The following PDE3B variants were observed in gnomAD, a reference collection of about 807,000 sequenced individuals.
The protein encoded by PDE3B is cGMP-inhibited 3',5'-cyclic phosphodiesterase 3B.
Under a neutral mutation model 116.8 loss-of-function variants are expected in PDE3B, and 66 were observed. The observed-to-expected ratio is 0.56, with a 90% CI of 0.46 to 0.69. PDE3B has a LOEUF of 0.69. PDE3B is among the 30% of genes least tolerant of loss of function. PDE3B has a pLI of 0.00. For synonymous variants in PDE3B, 595 were observed against 533.6 expected (o/e 1.12, Z -1.59); for missense variants, 1,384 against 1,368.1 (o/e 1.01, Z -0.18).
At chr11:14,715,683 T>A (rs1032808802) in intron 1 of PDE3B, among the ~76,000 whole-genome samples, 4 of 152,220 alleles carry the variant, frequency 2.6e-5, no homozygotes, top group Non-Finnish European at 5.9e-5. Context: ...TTTCTAAATA[T>A]ACAATCATGT....
At chr11:14,881,667 T>G in the PDE3B span, among the ~76,000 whole-genome samples, 1 of 152,012 alleles carries the variant, frequency 6.6e-6, no homozygotes, top group Non-Finnish European at 1.5e-5. Flanking sequence ...TAATGTGAGA[T>G]CTGGTTGTTT....
chr11:14,880,598 T>C, the PDE3B span: 1 of 1,612,936 alleles, frequency 6.2e-7, no homozygotes, highest in African/African-American at 1.3e-5. Flanking sequence ...ATTAACTGTT[T>C]AAAGTCAAAA....
intron 1 of PDE3B, among the ~76,000 whole-genome samples, chr11:14,769,698 A>G (rs1052153240): frequency 1.3e-5 from 2 of 148,190 alleles, no homozygotes. Context: ...TTCCATAATC[A>G]TCTCCCCCTT....
At chr11:14,888,697 T>G in the PDE3B span, among the ~76,000 whole-genome samples, 485 of 152,310 alleles carry the variant, frequency 3.2e-3, 1 homozygote, top group Middle Eastern at 0.014. Context: ...CATGCTAAAT[T>G]ACAAACTCCT....
chr11:14,784,974 T>C (rs1858145924), intron 2 of PDE3B, among the ~76,000 whole-genome samples: 2 of 152,102 alleles, frequency 1.3e-5, no homozygotes, highest in South Asian at 4.1e-4. Context: ...ATGTAAATAT[T>C]ATAAGGAACA....
intron 1 of PDE3B, among the ~76,000 whole-genome samples, chr11:14,701,510 G>C (rs1448650067): frequency 6.6e-6 from 1 of 151,562 alleles, no homozygotes; most frequent in Non-Finnish European, 1.5e-5. Flanking sequence ...TTCTATTTCT[G>C]TTCCACTCTA....
chr11:14,695,198 T>C (rs566527451), intron 1 of PDE3B, among the ~76,000 whole-genome samples: 37 of 152,350 alleles, frequency 2.4e-4, no homozygotes, highest in African/African-American at 8.4e-4. Context: ...TATTTATTTA[T>C]GGTTTGTTAT....
At chr11:14,766,918 A>G (rs1809792783) in intron 1 of PDE3B, among the ~76,000 whole-genome samples, 1 of 151,764 alleles carries the variant, frequency 6.6e-6, no homozygotes. Flanking sequence ...TGTATTACAC[A>G]TATACCAAGA....
chr11:14,718,159 C>T (rs1464777229), intron 1 of PDE3B, among the ~76,000 whole-genome samples: 1 of 116,502 alleles, frequency 8.6e-6, no homozygotes. Context: ...CAACAAAGAT[C>T]AAAAGAGACA....
At chr11:14,743,659 T>A (rs981451693) in intron 1 of PDE3B, among the ~76,000 whole-genome samples, 1 of 152,162 alleles carries the variant, frequency 6.6e-6, no homozygotes, top group Non-Finnish European at 1.5e-5. Flanking sequence ...GGCTGCCCAG[T>A]TTTGTGCTTG....
chr11:14,841,237 G>A (rs1345845932), intron 11 of PDE3B, among the ~76,000 whole-genome samples: 1 of 150,718 alleles, frequency 6.6e-6, no homozygotes, highest in African/African-American at 2.4e-5. Flanking sequence ...CTCTTCCTTG[G>A]GTCTTTAGCC....
At chr11:14,714,799 A>C (rs1205964261) in intron 1 of PDE3B, among the ~76,000 whole-genome samples, 1 of 152,094 alleles carries the variant, frequency 6.6e-6, no homozygotes, top group East Asian at 1.9e-4. Flanking sequence ...AATTGATTTA[A>C]ATTTAAATTG....
the PDE3B span, chr11:14,890,505 G>A: frequency 1.1e-5 from 5 of 469,872 alleles, no homozygotes; most frequent in South Asian, 9.6e-5. Context: ...TAAACCATTA[G>A]TGACTTTCTA....
Position 14,818,074 on chromosome 11 carries a change from T to C in PDE3B, c.1523-109T>C, listed in dbSNP as rs1229120488. The C allele has an allele frequency of 8.6e-6, 6 of 696,546 alleles. No individual in the cohort carries two copies. In the African/African-American group the frequency reaches 1.1e-4, roughly 13 times the overall value. 43.1% of individuals were successfully genotyped at this position (696,546 alleles called of 1,614,324 possible). A position where few individuals can be genotyped will look rare whatever the true frequency, so the allele number is the denominator to read the frequency against. ...ATTTATAATTTATTTGTAAATAATC[T>C]GCTTTTTTTAAATAAGGAAAAAATC... On this transcript the variant is annotated intron_variant, in intron 5 of 15. Transcript: ENST00000282096.
intron 1 of PDE3B, among the ~76,000 whole-genome samples, chr11:14,748,018 A>G (rs1856961318): frequency 6.6e-6 from 1 of 152,242 alleles, no homozygotes; most frequent in African/African-American, 2.4e-5. Flanking sequence ...TTACCAACAT[A>G]GTATAGCATT....
intron 1 of PDE3B, among the ~76,000 whole-genome samples, chr11:14,651,532 G>A (rs539059899): frequency 2.7e-4 from 41 of 152,198 alleles, no homozygotes; most frequent in African/African-American, 9.4e-4. Flanking sequence ...TTATATTTTT[G>A]CTATCAGTGA....
At chr11:14,872,487 G>A (rs1848153928), downstream of PDE3B, among the ~76,000 whole-genome samples, 1 of 152,196 alleles carries the variant, frequency 6.6e-6, no homozygotes, top group South Asian at 2.1e-4. Context: ...GGAAGATAGA[G>A]CACAAGAAGA....
intron 5 of PDE3B, among the ~76,000 whole-genome samples, chr11:14,817,092 G>C (rs567732204): frequency 3.7e-4 from 57 of 152,268 alleles, no homozygotes; most frequent in Admixed American, 7.2e-4. Flanking sequence ...ACACACCATG[G>C]AATACTGTGC....
intron 1 of PDE3B, among the ~76,000 whole-genome samples, chr11:14,730,701 TATTCTATCC>T (rs1247212995): frequency 6.6e-6 from 1 of 152,200 alleles, no homozygotes; most frequent in Admixed American, 6.5e-5. Flanking sequence ...ATAAACATAG[TATTCTATCC>T]CTTCTTCTGA....
Sources: allele counts gnomAD v4.1 joint callset (sites outside exome capture counted in the v4.1 genomes callset), GRCh38; gene constraint gnomAD v4.1.1; transcripts MANE v1.5; gene names NCBI Gene and HGNC (gene_info 2026-07-23, HGNC 2026-07-21).